Variants in PEAK1 observed in about 807,000 individuals in gnomAD.
PEAK1 encodes the protein inactive tyrosine-protein kinase PEAK1.
In PEAK1, 54 loss-of-function variants were observed where a neutral mutation model predicts 124.7. That is an observed-to-expected ratio of 0.43 (90% CI 0.35 to 0.54). PEAK1 has a LOEUF of 0.54. PEAK1 is among the 20% of genes least tolerant of loss of function. The pLI is 0.01. For missense variants in PEAK1, 2,046 were observed against 2,134.5 expected (o/e 0.96, Z 0.82); for synonymous variants, 719 against 760.0 (o/e 0.95, Z 0.89).
At chr15:77,262,891 A>G (rs1352506740) in intron 5 of PEAK1, among the ~76,000 whole-genome samples, 1 of 152,224 alleles carries the variant, frequency 6.6e-6, no homozygotes, top group East Asian at 1.9e-4. Flanking sequence ...AACAGAAATT[A>G]TAACAAACTG....
intron 1 of PEAK1, chr15:77,418,111 G>A: frequency 1.0e-6 from 1 of 983,360 alleles, no homozygotes; most frequent in Non-Finnish European, 1.2e-6. Context: ...ATGTTAATAG[G>A]CTACAAACAT....
chr15:77,272,735 A>G (rs983862321), intron 5 of PEAK1, among the ~76,000 whole-genome samples: 2 of 151,590 alleles, frequency 1.3e-5, no homozygotes, highest in Admixed American at 1.3e-4. Flanking sequence ...ATACAGAAAG[A>G]AGGAATCCTC....
intron 6 of PEAK1, among the ~76,000 whole-genome samples, chr15:77,188,432 CTACT>C (rs1009371719): frequency 6.6e-6 from 1 of 152,156 alleles, no homozygotes; most frequent in South Asian, 2.1e-4. Flanking sequence ...CAGTTAACTA[CTACT>C]AATAATAATT....
At chr15:77,291,105 T>C (rs1470763904) in intron 2 of PEAK1, among the ~76,000 whole-genome samples, 1 of 152,258 alleles carries the variant, frequency 6.6e-6, no homozygotes, top group Non-Finnish European at 1.5e-5. Context: ...TATGATGGCT[T>C]GTCCTTGACT....
At chr15:77,222,176 A>T (rs1025813240) in intron 6 of PEAK1, among the ~76,000 whole-genome samples, 4 of 152,082 alleles carry the variant, frequency 2.6e-5, no homozygotes, top group Admixed American at 2.6e-4. Context: ...TTTTTAAAAC[A>T]TGAAGTAGAA....
At chr15:77,317,983 T>C (rs2064978438) in intron 2 of PEAK1, among the ~76,000 whole-genome samples, 2 of 152,100 alleles carry the variant, frequency 1.3e-5, no homozygotes, top group African/African-American at 4.8e-5. Flanking sequence ...AATGATGACA[T>C]TTCAGAAATG....
At chr15:77,346,393 T>C (rs773180451) in intron 2 of PEAK1, 22 of 984,458 alleles carry the variant, frequency 2.2e-5, no homozygotes, top group African/African-American at 3.5e-5. Flanking sequence ...AAAATGTTTA[T>C]GAGAAGGCAA....
chr15:77,205,916 G>A (rs1283756598), intron 6 of PEAK1, among the ~76,000 whole-genome samples: 1 of 145,794 alleles, frequency 6.9e-6, no homozygotes, highest in Admixed American at 6.9e-5. Flanking sequence ...ATGCTGGTGC[G>A]CTGCACCCAC....
At chr15:77,293,666 G>C (rs1597147918) in intron 2 of PEAK1, among the ~76,000 whole-genome samples, 1 of 152,134 alleles carries the variant, frequency 6.6e-6, no homozygotes, top group African/African-American at 2.4e-5. Flanking sequence ...ATTACTAAGA[G>C]AGAAAGTGCA....
At chr15:77,160,956 T>A (rs2055582304) in intron 7 of PEAK1, among the ~76,000 whole-genome samples, 1 of 152,138 alleles carries the variant, frequency 6.6e-6, no homozygotes, top group Non-Finnish European at 1.5e-5. Context: ...ACAACAAAGC[T>A]CAGTTATAGT....
intron 1 of PEAK1, among the ~76,000 whole-genome samples, chr15:77,407,944 CACATATACACACATATATACACATATAT>C (rs2071994983): frequency 2.4e-5 from 2 of 81,812 alleles, no homozygotes; most frequent in Non-Finnish European, 7.4e-5. Context: ...CACATATATA[CACATATACACACATATATACACATATAT>C]ACACACATAT....
At chr15:77,175,400 T>G (rs1238287596) in intron 7 of PEAK1, among the ~76,000 whole-genome samples, 9 of 151,208 alleles carry the variant, frequency 6.0e-5, no homozygotes, top group Admixed American at 4.6e-4. Flanking sequence ...TCAAACAAAT[T>G]TACAAGAAAA....
intron 6 of PEAK1, among the ~76,000 whole-genome samples, chr15:77,195,681 A>G (rs1316201037): frequency 2.0e-5 from 3 of 152,216 alleles, no homozygotes; most frequent in Non-Finnish European, 2.9e-5. Context: ...CCATTCAGTT[A>G]AAAGGATTTT....
intron 6 of PEAK1, among the ~76,000 whole-genome samples, chr15:77,247,303 C>T (rs554048795): frequency 6.6e-6 from 1 of 152,128 alleles, no homozygotes; most frequent in African/African-American, 2.4e-5. Context: ...CACTTTTTCA[C>T]CATTAAGTGT....
chr15:77,105,317 GGTGTGTGTGTGTGTGTGT>G (rs67540842), downstream of PEAK1: 8 of 145,160 alleles, frequency 5.5e-5, no homozygotes, highest in East Asian at 2.1e-4. Flanking sequence ...GCCATTAGTT[GGTGTGTGTGTGTGTGTGT>G]GTGTGTGTGT....
In PEAK1 at chr15:77,113,439, A is replaced by C. The variant is rs1244766139; in HGVS notation, c.*717T>G. ...GGCCACAAGTGGCTGATAAATCCAA[A>C]CTTCACTGGCAAGTGGGGACAGAGT... is the stretch of plus-strand genomic sequence containing the variant. On this transcript the variant is annotated 3_prime_UTR_variant, in exon 10 of 10. Transcript: ENST00000682557. The C allele has an allele frequency of 6.6e-6, 1 of 152,554 alleles. No homozygotes were observed. Among genetic ancestry groups the C allele is most frequent in the Non-Finnish European group, 1.5e-5 (1 of 68,296 alleles). The allele number at this position is 152,554 out of a possible 1,614,324, so 9.5% of individuals were successfully genotyped here. A position where few individuals can be genotyped will look rare whatever the true frequency, so the allele number is the denominator to read the frequency against.
intron 5 of PEAK1, among the ~76,000 whole-genome samples, chr15:77,263,655 C>A (rs1454049236): frequency 2.6e-5 from 4 of 152,298 alleles, no homozygotes; most frequent in African/African-American, 9.6e-5. Context: ...GATGGATTCA[C>A]AGCCGAATTC....
intron 6 of PEAK1, among the ~76,000 whole-genome samples, chr15:77,224,098 T>C (rs1307669202): frequency 6.6e-6 from 1 of 151,660 alleles, no homozygotes; most frequent in Non-Finnish European, 1.5e-5. Context: ...AATATCTGAA[T>C]CAAAATCCTC....
At chr15:77,263,471 A>G (rs1201018278) in intron 5 of PEAK1, among the ~76,000 whole-genome samples, 3 of 152,202 alleles carry the variant, frequency 2.0e-5, no homozygotes, top group Non-Finnish European at 4.4e-5. Flanking sequence ...AGAATACTAT[A>G]AACACCTCTA....
Sources: allele counts gnomAD v4.1 joint callset (sites outside exome capture counted in the v4.1 genomes callset), GRCh38; gene constraint gnomAD v4.1.1; transcripts MANE v1.5; gene names NCBI Gene and HGNC (gene_info 2026-07-23, HGNC 2026-07-21).